GLI3: variants seen among roughly 807,000 people sequenced by gnomAD.
GLI3 encodes the protein GLI family zinc finger 3.
A neutral mutation model predicts 100.8 loss-of-function variants in GLI3; 20 were observed. That is an observed-to-expected ratio of 0.20 (90% CI 0.14 to 0.29). GLI3 has a LOEUF of 0.29. GLI3 is among the 10% of genes least tolerant of loss of function. The pLI, the probability that GLI3 is intolerant of heterozygous loss-of-function variation, is 1.00. For synonymous variants in GLI3, 938 were observed against 860.5 expected (o/e 1.09, Z -1.58); for missense variants, 2,040 against 2,128.5 (o/e 0.96, Z 0.82).
chr7:42,171,745 T>A (rs1271710563), intron 2 of GLI3, among the ~76,000 whole-genome samples: 1 of 152,248 alleles, frequency 6.6e-6, no homozygotes, highest in Non-Finnish European at 1.5e-5. Flanking sequence ...CACTGAGTCC[T>A]TAGAGAATTC....
At chr7:42,075,299 A>G (rs1306574779) in intron 4 of GLI3, among the ~76,000 whole-genome samples, 3 of 152,220 alleles carry the variant, frequency 2.0e-5, no homozygotes, top group African/African-American at 7.2e-5. Context: ...AATCTGACTT[A>G]AATTAAGTAC....
chr7:42,235,452 T>C (rs1479785195), intron 1 of GLI3, among the ~76,000 whole-genome samples: 1 of 152,108 alleles, frequency 6.6e-6, no homozygotes, highest in Non-Finnish European at 1.5e-5. Flanking sequence ...CCATGCCCAA[T>C]GCGCTCAAGC....
At chr7:42,153,082 GCT>G (rs1786914453) in intron 2 of GLI3, among the ~76,000 whole-genome samples, 1 of 152,186 alleles carries the variant, frequency 6.6e-6, no homozygotes, top group South Asian at 2.1e-4. Context: ...ATGCCTTGAG[GCT>G]AAAGGAAGAA....
intron 3 of GLI3, among the ~76,000 whole-genome samples, chr7:42,116,679 C>A (rs964433968): frequency 1.3e-5 from 2 of 152,144 alleles, no homozygotes; most frequent in African/African-American, 2.4e-5. Flanking sequence ...TTCTCCAAAT[C>A]AAATTAGGTT....
intron 3 of GLI3, among the ~76,000 whole-genome samples, chr7:42,085,700 T>C (rs951030922): frequency 1.3e-5 from 2 of 152,144 alleles, no homozygotes; most frequent in African/African-American, 4.8e-5. Flanking sequence ...GGTACCTTCA[T>C]GAAATGTCAA....
At chr7:42,080,811 G>A (rs989064208) in intron 3 of GLI3, among the ~76,000 whole-genome samples, 4 of 152,072 alleles carry the variant, frequency 2.6e-5, no homozygotes, top group African/African-American at 4.8e-5. Context: ...GTGGCTCAGC[G>A]GCATATTCCA....
At chr7:42,182,660 A>ATATATATATATATATATACATGTGTG (rs1562775736) in intron 2 of GLI3, among the ~76,000 whole-genome samples, 3 of 59,134 alleles carry the variant, frequency 5.1e-5, no homozygotes, top group African/African-American at 2.9e-4. Flanking sequence ...ATATATATAT[A>ATATATATATATATATATACATGTGTG]TATATATATA....
chr7:42,261,264 C>T (rs529281591), intron 1 of GLI3, among the ~76,000 whole-genome samples: 2 of 146,078 alleles, frequency 1.4e-5, no homozygotes, highest in African/African-American at 4.9e-5. Flanking sequence ...GGGGAGGTGC[C>T]ACACATTGTA....
intron 3 of GLI3, among the ~76,000 whole-genome samples, chr7:42,090,380 C>T (rs1785191818): frequency 1.3e-5 from 2 of 152,168 alleles, no homozygotes; most frequent in African/African-American, 4.8e-5. Flanking sequence ...AATTCTTCAG[C>T]TCCATTATAA....
chr7:41,987,459 G>T (rs182844024), intron 10 of GLI3, among the ~76,000 whole-genome samples: 2 of 152,160 alleles, frequency 1.3e-5, no homozygotes, highest in South Asian at 2.1e-4. Flanking sequence ...GAGCCACTGC[G>T]CCCGGCTGTG....
At chr7:42,170,768 C>T (rs921762738) in intron 2 of GLI3, among the ~76,000 whole-genome samples, 8 of 152,110 alleles carry the variant, frequency 5.3e-5, no homozygotes, top group Admixed American at 2.0e-4. Flanking sequence ...AAAAGAGATG[C>T]CAGCACTCTC....
chr7:42,067,189 AT>A (rs1784692113), intron 4 of GLI3, among the ~76,000 whole-genome samples: 1 of 152,184 alleles, frequency 6.6e-6, no homozygotes, highest in Non-Finnish European at 1.5e-5. Flanking sequence ...CAGAGGTCTG[AT>A]TGCTTACGTT....
intron 3 of GLI3, among the ~76,000 whole-genome samples, chr7:42,086,180 T>C (rs998762074): frequency 7.9e-5 from 12 of 152,188 alleles, no homozygotes; most frequent in Admixed American, 6.5e-4. Context: ...CAATGTGCAA[T>C]GCCTTTTAGA....
At chr7:42,013,812 C>T (rs943752311) in intron 10 of GLI3, among the ~76,000 whole-genome samples, 6 of 152,168 alleles carry the variant, frequency 3.9e-5, no homozygotes, top group African/African-American at 7.2e-5. Flanking sequence ...ATTATCCCAA[C>T]GACCCTGATA....
At chr7:42,035,513 A>C (rs922199337) in intron 7 of GLI3, among the ~76,000 whole-genome samples, 1 of 152,216 alleles carries the variant, frequency 6.6e-6, no homozygotes, top group African/African-American at 2.4e-5. Flanking sequence ...CAAAATGGGA[A>C]TGTCATTTTC....
rs116616160 is a variant in GLI3, at chr7:42,143,152, C to T, written c.367+5074G>A. Reference sequence around the variant, plus strand: ...CCTCACTCCAGCTCTTACTGCAATTCAAGACTAACAGCCTAGGAAGCAAGA... The same window carrying T: ...CCTCACTCCAGCTCTTACTGCAATTTAAGACTAACAGCCTAGGAAGCAAGA... On this transcript the variant is annotated intron_variant, in intron 3 of 14. Coordinates refer to ENST00000395925, the MANE Select transcript of GLI3 (RefSeq NM_000168.6). Among the ~76,000 whole-genome samples the T allele has an allele frequency of 2.6e-3, 395 of 152,262 alleles. 3 individuals carry two copies. The highest frequency in any genetic ancestry group is 8.7e-3 in the African/African-American group (362 of 41,536).
At chr7:42,147,788 G>A (rs1214901029) in intron 3 of GLI3, among the ~76,000 whole-genome samples, 1 of 152,158 alleles carries the variant, frequency 6.6e-6, no homozygotes, top group African/African-American at 2.4e-5. Context: ...AATGGGAATA[G>A]GCAAAATCAT....
chr7:42,195,701 T>C (rs1041415813), intron 2 of GLI3, among the ~76,000 whole-genome samples: 1 of 152,184 alleles, frequency 6.6e-6, no homozygotes, highest in Admixed American at 6.5e-5. Flanking sequence ...AGACCATCTA[T>C]TCCCTAAGGG....
intron 2 of GLI3, among the ~76,000 whole-genome samples, chr7:42,149,347 A>G (rs1225457126): frequency 6.6e-6 from 1 of 152,210 alleles, no homozygotes; most frequent in African/African-American, 2.4e-5. Context: ...CAGTTTCCTA[A>G]TACTTCAGTT....
Sources: gnomAD v4.1 joint callset for allele counts (sites outside exome capture counted in the v4.1 genomes callset) on GRCh38, gnomAD v4.1.1 for gene constraint, MANE v1.5 for transcripts, NCBI Gene and HGNC (gene_info 2026-07-23, HGNC 2026-07-21) for gene names.